The following HDAC9 variants were observed in gnomAD, a reference collection of about 807,000 sequenced individuals.
HDAC9 encodes the protein histone deacetylase 9, also known as MEF-2 interacting transcription repressor (MITR) protein.
A neutral mutation model predicts 139.4 loss-of-function variants in HDAC9; 41 were observed. The ratio of observed to expected loss-of-function variants is 0.29; its 90% confidence interval spans 0.23 to 0.38. HDAC9 has a LOEUF of 0.38. HDAC9 is among the 10% of genes least tolerant of loss of function. The pLI is 1.00. For synonymous variants in HDAC9, 517 were observed against 476.2 expected (o/e 1.09, Z -1.12); for missense variants, 1,147 against 1,297.0 (o/e 0.88, Z 1.78).
At chr7:18,916,787 AG>A (rs1334643826) in intron 22 of HDAC9, among the ~76,000 whole-genome samples, 1 of 152,010 alleles carries the variant, frequency 6.6e-6, no homozygotes, top group East Asian at 1.9e-4. Context: ...ACAGGAGTAA[AG>A]GACTTGCTGG....
At chr7:18,561,659 C>T (rs1355483216) in intron 2 of HDAC9, among the ~76,000 whole-genome samples, 1 of 66,900 alleles carries the variant, frequency 1.5e-5, no homozygotes, top group Non-Finnish European at 2.6e-5. Flanking sequence ...ATAAATGTGC[C>T]CATTTTTTGG....
intron 21 of HDAC9, among the ~76,000 whole-genome samples, chr7:18,866,481 C>G (rs1220343694): frequency 6.6e-6 from 1 of 152,126 alleles, no homozygotes; most frequent in Non-Finnish European, 1.5e-5. Context: ...GTTGCCCGCT[C>G]TCCTCTGTCC....
chr7:18,377,139 G>T (rs1010480106), intron 1 of HDAC9, among the ~76,000 whole-genome samples: 1 of 152,088 alleles, frequency 6.6e-6, no homozygotes, highest in Non-Finnish European at 1.5e-5. Context: ...TGCCAGCATG[G>T]TTGAGTTCTG....
chr7:18,949,580 T>C (rs1287092200), intron 23 of HDAC9: 1 of 195,178 alleles, frequency 5.1e-6, no homozygotes, highest in Admixed American at 4.6e-5. Flanking sequence ...TGCTTCTGCT[T>C]CAACGATGTG....
chr7:18,768,327 T>C (rs1297680078), intron 16 of HDAC9, among the ~76,000 whole-genome samples: 1 of 152,172 alleles, frequency 6.6e-6, no homozygotes, highest in Non-Finnish European at 1.5e-5. Flanking sequence ...CTAGACACTT[T>C]CATGGCTTTC....
intron 7 of HDAC9, among the ~76,000 whole-genome samples, chr7:18,633,929 G>C (rs1293124135): frequency 6.6e-6 from 1 of 152,060 alleles, no homozygotes; most frequent in Non-Finnish European, 1.5e-5. Flanking sequence ...AATCTGTCTT[G>C]TTGTTGCCTG....
intron 22 of HDAC9, among the ~76,000 whole-genome samples, chr7:18,915,680 G>C (rs1359300174): frequency 6.7e-6 from 1 of 149,140 alleles, no homozygotes; most frequent in Non-Finnish European, 1.5e-5. Flanking sequence ...ACTTCAAAGC[G>C]ACCCCGCATG....
chr7:18,748,675 T>A (rs954892014), intron 13 of HDAC9, among the ~76,000 whole-genome samples: 12 of 152,208 alleles, frequency 7.9e-5, no homozygotes, highest in African/African-American at 2.7e-4. Context: ...AAACAATTCA[T>A]AATGATTTAA....
intron 2 of HDAC9, among the ~76,000 whole-genome samples, chr7:18,536,723 G>A (rs879680689): frequency 3.3e-5 from 5 of 152,234 alleles, no homozygotes; most frequent in South Asian, 2.1e-4. Context: ...AGGAAAACAC[G>A]TGTGAATGTT....
At position 18,998,256 on chromosome 7, in the gene HDAC9, A is replaced by G. The variant is rs1786574388; in HGVS notation, c.*2194A>G. On this transcript the variant is annotated 3_prime_UTR_variant, in exon 26 of 26. Coordinates refer to ENST00000686413, the MANE Select transcript of HDAC9 (RefSeq NM_178425.4). The stretch of plus-strand genomic sequence containing the variant: ...TTTTTAGTTGTTGAATAAGAAAATA[A>G]AACAGTGTAATGCAAACATGCTAAT... 1 of 152,200 alleles carries G rather than the reference A, an allele frequency of 6.6e-6. No individual in the cohort carries two copies. The highest frequency in any genetic ancestry group is 1.5e-5 in the Non-Finnish European group (1 of 68,028). The allele number at this position is 152,200 out of a possible 1,614,324, so 9.4% of individuals were successfully genotyped here. A position where few individuals can be genotyped will look rare whatever the true frequency, so the allele number is the denominator to read the frequency against.
intron 7 of HDAC9, among the ~76,000 whole-genome samples, chr7:18,629,755 C>T (rs1781770531): frequency 1.3e-5 from 2 of 152,092 alleles, no homozygotes; most frequent in South Asian, 4.1e-4. Context: ...CAGGAACAGG[C>T]AGTCCATTTT....
chr7:18,356,508 A>G (rs1169306383), intron 1 of HDAC9, among the ~76,000 whole-genome samples: 1 of 151,962 alleles, frequency 6.6e-6, no homozygotes, highest in African/African-American at 2.4e-5. Context: ...ACTCCTGCGA[A>G]TGAATCCTCC....
chr7:18,117,884 T>C (rs1294399176), intron 1 of HDAC9, among the ~76,000 whole-genome samples: 2 of 152,174 alleles, frequency 1.3e-5, no homozygotes, highest in Non-Finnish European at 2.9e-5. Context: ...TCAGCAGCAG[T>C]GGTAGTGCTC....
At chr7:18,615,232 G>A (rs1838246963) in intron 6 of HDAC9, among the ~76,000 whole-genome samples, 1 of 152,114 alleles carries the variant, frequency 6.6e-6, no homozygotes, top group South Asian at 2.1e-4. Flanking sequence ...TAACTATTTT[G>A]AAGCAATTAA....
At chr7:18,858,410 G>C (rs1797851522) in intron 21 of HDAC9, among the ~76,000 whole-genome samples, 1 of 152,100 alleles carries the variant, frequency 6.6e-6, no homozygotes, top group Non-Finnish European at 1.5e-5. Flanking sequence ...CCAGCAAAGG[G>C]GGAAGCCCCT....
chr7:18,501,115 G>A (rs907871651), intron 2 of HDAC9, among the ~76,000 whole-genome samples: 4 of 152,100 alleles, frequency 2.6e-5, no homozygotes, highest in Admixed American at 6.6e-5. Flanking sequence ...AAGCCACACA[G>A]TGAAGAGATG....
At chr7:18,190,135 G>T (rs1790237247) in intron 2 of HDAC9, among the ~76,000 whole-genome samples, 1 of 152,134 alleles carries the variant, frequency 6.6e-6, no homozygotes, top group East Asian at 1.9e-4. Flanking sequence ...GTAGAGATGG[G>T]GTTTCACCAT....
chr7:18,197,002 C>G (rs1790774312), intron 2 of HDAC9, among the ~76,000 whole-genome samples: 1 of 152,122 alleles, frequency 6.6e-6, no homozygotes, highest in African/African-American at 2.4e-5. Context: ...GCAGATTGCC[C>G]CCTTTAATGG....
At chr7:18,789,890 C>G (rs1420528123) in intron 16 of HDAC9, among the ~76,000 whole-genome samples, 2 of 152,112 alleles carry the variant, frequency 1.3e-5, no homozygotes, top group Non-Finnish European at 2.9e-5. Context: ...AATCAGAGCT[C>G]TCTTAAGGAA....
Sources: allele counts gnomAD v4.1 joint callset (sites outside exome capture counted in the v4.1 genomes callset), GRCh38; gene constraint gnomAD v4.1.1; transcripts MANE v1.5; gene names NCBI Gene and HGNC (gene_info 2026-07-23, HGNC 2026-07-21).